GNA12: variants seen among roughly 807,000 people sequenced by gnomAD.
The protein encoded by GNA12 is G protein subunit alpha 12.
In GNA12, 9 loss-of-function variants were observed where a neutral mutation model predicts 26.0. The ratio of observed to expected loss-of-function variants is 0.35; its 90% confidence interval spans 0.21 to 0.60. The LOEUF is 0.60. Among genes scored for constraint, GNA12 ranks in the 20% least tolerant of loss-of-function variants. The pLI is 0.78. For synonymous variants in GNA12, 264 were observed against 219.6 expected (o/e 1.20, Z -1.79); for missense variants, 405 against 525.8 (o/e 0.77, Z 2.25).
At chr7:2,762,460 A>AGCC in intron 2 of GNA12, 1 of 570,912 alleles carries the variant, frequency 1.8e-6, no homozygotes, top group African/African-American at 2.0e-5. Flanking sequence ...TCCAAAGTCC[A>AGCC]GCCTCTGAAC....
intron 1 of GNA12, among the ~76,000 whole-genome samples, chr7:2,803,286 A>T (rs534707798): frequency 6.7e-6 from 1 of 149,680 alleles, no homozygotes; most frequent in Non-Finnish European, 1.5e-5. Context: ...GGCCTCGCTC[A>T]CAGACAGGCT....
intron 2 of GNA12, among the ~76,000 whole-genome samples, chr7:2,734,575 G>C (rs1030893214): frequency 6.6e-6 from 1 of 152,208 alleles, no homozygotes; most frequent in Non-Finnish European, 1.5e-5. Flanking sequence ...GTAAGGGATG[G>C]AGAAAGGCGG....
At chr7:2,826,189 C>T (rs1481433211) in intron 1 of GNA12, among the ~76,000 whole-genome samples, 1 of 151,816 alleles carries the variant, frequency 6.6e-6, no homozygotes, top group Non-Finnish European at 1.5e-5. Flanking sequence ...CCAGCCAGGC[C>T]AACATGGTGA....
At chr7:2,734,812 G>A (rs1044045559) in intron 2 of GNA12, among the ~76,000 whole-genome samples, 11 of 152,172 alleles carry the variant, frequency 7.2e-5, no homozygotes, top group Non-Finnish European at 1.6e-4. Context: ...GTGGCAGGAC[G>A]GGGCGAGCAC....
At chr7:2,783,073 T>G (rs1792269889) in intron 2 of GNA12, among the ~76,000 whole-genome samples, 1 of 152,216 alleles carries the variant, frequency 6.6e-6, no homozygotes, top group African/African-American at 2.4e-5. Flanking sequence ...GAGTCCAATA[T>G]CTGAAGCATG....
chr7:2,796,107 C>A (rs943055240), intron 1 of GNA12, among the ~76,000 whole-genome samples: 1 of 144,494 alleles, frequency 6.9e-6, no homozygotes, highest in African/African-American at 2.9e-5. Flanking sequence ...CTCAGCTGAT[C>A]CGCCCGCCTC....
Position 2,731,169 on chromosome 7 carries a change from G to T in GNA12, c.*12C>A. 1.3e-6 allele frequency: 2 copies of T among 1,586,372 alleles called. No individual in the cohort carries two copies. The highest frequency in any genetic ancestry group is 1.1e-5 in the South Asian group (1 of 88,596). On this transcript the variant is annotated 3_prime_UTR_variant, in exon 4 of 4. Transcript: ENST00000275364. The surrounding 1 kb of genome is among the most constrained non-coding windows in gnomAD (Gnocchi z 6.0). ...GGCTGCTCAACGACGACAAACCCCG[G>T]GGCTTCCTCGCTCACTGCAGCATGA...
intron 2 of GNA12, among the ~76,000 whole-genome samples, chr7:2,749,550 T>A (rs1444988505): frequency 6.6e-6 from 1 of 151,436 alleles, no homozygotes; most frequent in Admixed American, 6.6e-5. Context: ...TTAGGAGATA[T>A]ACCTAATGCT....
intron 2 of GNA12, among the ~76,000 whole-genome samples, chr7:2,735,857 G>T (rs1466519092): frequency 6.6e-6 from 1 of 152,162 alleles, no homozygotes. Flanking sequence ...TAAGGTGCCA[G>T]GGACTGTGCC....
intron 2 of GNA12, among the ~76,000 whole-genome samples, chr7:2,783,549 G>T (rs1421508303): frequency 6.6e-6 from 1 of 152,044 alleles, no homozygotes; most frequent in African/African-American, 2.4e-5. Flanking sequence ...CAAAAGATCT[G>T]TCAGAAACTG....
At chr7:2,789,857 A>G (rs1044353331) in intron 2 of GNA12, among the ~76,000 whole-genome samples, 1 of 152,208 alleles carries the variant, frequency 6.6e-6, no homozygotes, top group African/African-American at 2.4e-5. Context: ...GAACCAGCAC[A>G]GAGAAGCCCA....
intron 1 of GNA12, among the ~76,000 whole-genome samples, chr7:2,827,179 T>C (rs960022871): frequency 3.3e-5 from 5 of 152,110 alleles, no homozygotes; most frequent in Admixed American, 6.5e-5. Flanking sequence ...ATATTCAGAA[T>C]AGGTAAATTC....
chr7:2,802,513 A>AT (rs1366625083), intron 1 of GNA12, among the ~76,000 whole-genome samples: 9 of 152,122 alleles, frequency 5.9e-5, no homozygotes, highest in Non-Finnish European at 1.0e-4. Flanking sequence ...ATCTTTTAAG[A>AT]TTAGTCATTC....
chr7:2,828,416 C>T (rs755741232), intron 1 of GNA12, among the ~76,000 whole-genome samples: 4 of 152,170 alleles, frequency 2.6e-5, no homozygotes, highest in South Asian at 2.1e-4. Context: ...TGAAGTGGCA[C>T]GATCCTAGCT....
At chr7:2,765,587 G>A (rs373945293) in intron 2 of GNA12, among the ~76,000 whole-genome samples, 157 of 151,898 alleles carry the variant, frequency 1.0e-3, no homozygotes, top group African/African-American at 3.5e-3. Context: ...CCAGCAAGAC[G>A]AGGTAGGGAG....
At chr7:2,774,974 C>T (rs554044344) in intron 2 of GNA12, among the ~76,000 whole-genome samples, 6 of 152,230 alleles carry the variant, frequency 3.9e-5, no homozygotes, top group Admixed American at 6.5e-5. Context: ...TTTAATTTAC[C>T]GACATCCCTT....
chr7:2,743,343 G>A (rs1163560659), intron 2 of GNA12, among the ~76,000 whole-genome samples: 2 of 152,100 alleles, frequency 1.3e-5, no homozygotes, highest in Non-Finnish European at 2.9e-5. Context: ...GTCTTAAAAC[G>A]ACATCCATAA....
At chr7:2,830,062 G>C (rs1391582209) in intron 1 of GNA12, among the ~76,000 whole-genome samples, 4 of 152,136 alleles carry the variant, frequency 2.6e-5, no homozygotes, top group Non-Finnish European at 2.9e-5. Context: ...CTCCACCAAG[G>C]ACCCTTTCCT....
intron 2 of GNA12, among the ~76,000 whole-genome samples, chr7:2,767,778 C>T (rs562503250): frequency 2.6e-5 from 4 of 152,330 alleles, no homozygotes; most frequent in East Asian, 1.9e-4. Context: ...AAATCCTCAT[C>T]GTAAATAAAA....
Sources: allele counts gnomAD v4.1 joint callset (sites outside exome capture counted in the v4.1 genomes callset), GRCh38; gene constraint gnomAD v4.1.1; non-coding constraint Gnocchi (gnomAD v3.1); transcripts MANE v1.5; gene names NCBI Gene and HGNC (gene_info 2026-07-23, HGNC 2026-07-21).